ZHX2: variants seen among roughly 807,000 people sequenced by gnomAD.
ZHX2 encodes the protein zinc fingers and homeoboxes protein 2.
Under a neutral mutation model 21.9 loss-of-function variants are expected in ZHX2, and 6 were observed. The observed-to-expected ratio is 0.27, with a 90% confidence interval of 0.15 to 0.54. The LOEUF is 0.54. Among genes scored for constraint, ZHX2 ranks in the 20% least tolerant of loss-of-function variants. The probability of loss-of-function intolerance (pLI) is 0.95; values close to 1 mark genes in which losing one functional copy is unlikely to be tolerated. For synonymous variants in ZHX2, 434 were observed against 437.1 expected, an observed-to-expected ratio of 0.99 and a Z score of 0.09; for missense variants, 908 against 1,090.7, an observed-to-expected ratio of 0.83 and a Z score of 2.36.
At chr8:122,861,323 AT>A (rs775145113) in intron 1 of ZHX2, among the ~76,000 whole-genome samples, 3 of 152,168 alleles carry the variant, frequency 2.0e-5, no homozygotes, top group Non-Finnish European at 4.4e-5. Flanking sequence ...CTACTTCCAC[AT>A]TTTATGGACA....
At chr8:122,963,780 G>C (rs958341681) in intron 3 of ZHX2, among the ~76,000 whole-genome samples, 2 of 151,904 alleles carry the variant, frequency 1.3e-5, no homozygotes, top group South Asian at 2.1e-4. Context: ...CCATTTGTTT[G>C]TGTCATCTAT....
chr8:122,887,689 G>A (rs1014337310), intron 2 of ZHX2, among the ~76,000 whole-genome samples: 11 of 152,172 alleles, frequency 7.2e-5, no homozygotes, highest in South Asian at 2.1e-4. Context: ...ATGGAAAACC[G>A]GAGGTAGTAG....
intron 3 of ZHX2, among the ~76,000 whole-genome samples, chr8:122,969,858 A>G (rs1176039198): frequency 6.6e-6 from 1 of 152,186 alleles, no homozygotes; most frequent in Non-Finnish European, 1.5e-5. Context: ...AATTAAAGAG[A>G]GACAGAAACA....
At chr8:122,905,628 G>T (rs1170492476) in intron 2 of ZHX2, among the ~76,000 whole-genome samples, 3 of 152,132 alleles carry the variant, frequency 2.0e-5, no homozygotes, top group Admixed American at 6.5e-5. Context: ...CAAAAGCAGA[G>T]GATGAGAATT....
chr8:122,939,553 G>T (rs1812790902), intron 2 of ZHX2, among the ~76,000 whole-genome samples: 1 of 152,320 alleles, frequency 6.6e-6, no homozygotes, highest in South Asian at 2.1e-4. Flanking sequence ...TGGAGGCCTG[G>T]TGGAGGGATT....
At chr8:122,878,841 A>G (rs1299253901) in intron 2 of ZHX2, among the ~76,000 whole-genome samples, 1 of 152,192 alleles carries the variant, frequency 6.6e-6, no homozygotes, top group Non-Finnish European at 1.5e-5. Context: ...AGATATTCAT[A>G]TAATTTCTTC....
At chr8:122,949,827 T>A (rs1006307027) in intron 2 of ZHX2, among the ~76,000 whole-genome samples, 4 of 152,148 alleles carry the variant, frequency 2.6e-5, no homozygotes, top group African/African-American at 9.7e-5. Context: ...GCCCAGGAGA[T>A]AGAGGCTGCA....
At chr8:122,847,225 T>G (rs763524622) in intron 1 of ZHX2, among the ~76,000 whole-genome samples, 4 of 152,184 alleles carry the variant, frequency 2.6e-5, no homozygotes, top group Admixed American at 6.5e-5. Context: ...TTCCGTCCTC[T>G]GTGTGAGCTT....
In ZHX2 at chr8:122,953,759, AAGT is replaced by A. The variant is rs1442772582; in HGVS notation, c.2252_2254del (p.Val751del). ...TTGGAGAAGTTGGTGACCAGGGTAA[AAGT>A]AGGCAGCGAGCCAGCAAAAGACTGT... is the stretch of plus-strand genomic sequence containing the variant. On this transcript the variant is annotated inframe_deletion, in exon 3 of 4. Transcript: ENST00000314393. The surrounding 1 kb of genome is among the most constrained non-coding windows in gnomAD (Gnocchi z 4.6). 2 of 1,614,234 alleles carry A rather than the reference AAGT, an allele frequency of 1.2e-6. No homozygotes were observed. The highest frequency in any genetic ancestry group is 1.1e-5 in the South Asian group (1 of 91,086).
intron 2 of ZHX2, among the ~76,000 whole-genome samples, chr8:122,940,738 AT>A (rs1812821303): frequency 6.6e-6 from 1 of 152,214 alleles, no homozygotes; most frequent in Admixed American, 6.5e-5. Flanking sequence ...GAGAAATCTA[AT>A]TTATAGACAC....
At chr8:122,938,558 C>T (rs998254687) in intron 2 of ZHX2, among the ~76,000 whole-genome samples, 7 of 151,982 alleles carry the variant, frequency 4.6e-5, no homozygotes, top group African/African-American at 1.4e-4. Context: ...GCTGAGGGGC[C>T]GGGCACAGTG....
intron 1 of ZHX2, among the ~76,000 whole-genome samples, chr8:122,830,229 T>C (rs1818345354): frequency 6.6e-6 from 1 of 152,188 alleles, no homozygotes; most frequent in Non-Finnish European, 1.5e-5. Flanking sequence ...AAACAGGAAG[T>C]GTCCTAGTCT....
intron 3 of ZHX2, among the ~76,000 whole-genome samples, chr8:122,955,839 A>ATTTTTTTTTTTTTTGTTTTTTTTTT (rs1813285122): frequency 9.5e-6 from 1 of 104,924 alleles, no homozygotes; most frequent in Non-Finnish European, 1.8e-5. Flanking sequence ...TGAGGGAGTG[A>ATTTTTTTTTTTTTTGTTTTTTTTTT]TTTTTTTTTT....
intron 1 of ZHX2, among the ~76,000 whole-genome samples, chr8:122,801,474 C>T (rs74579493): frequency 0.13 from 19,806 of 151,598 alleles, 1,702 homozygotes; most frequent in Admixed American, 0.25. Flanking sequence ...GGGCCCGACA[C>T]GGTGGCTTAC....
intron 1 of ZHX2, among the ~76,000 whole-genome samples, chr8:122,805,997 A>G (rs1817815595): frequency 1.3e-5 from 2 of 152,208 alleles, no homozygotes; most frequent in African/African-American, 4.8e-5. Flanking sequence ...TCCTCTGGGA[A>G]GCCTTCTCTA....
intron 1 of ZHX2, among the ~76,000 whole-genome samples, chr8:122,833,725 G>T (rs1170660447): frequency 2.0e-5 from 3 of 152,130 alleles, no homozygotes; most frequent in Admixed American, 2.0e-4. Context: ...GGCCGGGCGC[G>T]GTGGCTCACG....
chr8:122,793,094 A>T (rs1207906823), intron 1 of ZHX2, among the ~76,000 whole-genome samples: 7 of 152,212 alleles, frequency 4.6e-5, no homozygotes, highest in Admixed American at 4.6e-4. Context: ...CGCTGCTCAC[A>T]GGGTTGCTGT....
intron 1 of ZHX2, among the ~76,000 whole-genome samples, chr8:122,790,897 C>G (rs191979479): frequency 6.6e-6 from 1 of 152,208 alleles, no homozygotes; most frequent in African/African-American, 2.4e-5. Flanking sequence ...CATGAGCCAC[C>G]ATGCCTATCC....
intron 1 of ZHX2, among the ~76,000 whole-genome samples, chr8:122,834,253 G>A (rs1818448492): frequency 6.6e-6 from 1 of 152,190 alleles, no homozygotes; most frequent in East Asian, 1.9e-4. Flanking sequence ...CTGTTCCAGG[G>A]CACCCTCAGT....
Sources: allele counts gnomAD v4.1 joint callset (sites outside exome capture counted in the v4.1 genomes callset), GRCh38; gene constraint gnomAD v4.1.1; non-coding constraint Gnocchi (gnomAD v3.1); transcripts MANE v1.5; gene names NCBI Gene and HGNC (gene_info 2026-07-23, HGNC 2026-07-21).